The following KIF5C variants were observed in gnomAD, a reference collection of about 807,000 sequenced individuals.
The protein encoded by KIF5C is kinesin family member 5C.
In KIF5C, 18 loss-of-function variants were observed where a neutral mutation model predicts 125.2. The ratio of observed to expected loss-of-function variants is 0.14; its 90% CI spans 0.10 to 0.21. KIF5C has a LOEUF of 0.21. KIF5C is among the 10% of genes least tolerant of loss of function. KIF5C has a pLI of 1.00. For missense variants in KIF5C, 780 were observed against 1,183.8 expected (o/e 0.66, Z 5.01); for synonymous variants, 405 against 434.0 (o/e 0.93, Z 0.83).
At chr2:148,932,029 T>C (rs1682195828) in intron 3 of KIF5C, among the ~76,000 whole-genome samples, 1 of 152,000 alleles carries the variant, frequency 6.6e-6, no homozygotes. Context: ...AGGGTAATTA[T>C]AGATTGGAGA....
Position 149,015,617 on chromosome 2 carries a change from A to G in KIF5C, c.*7+3934A>G, listed in dbSNP as rs948329886. ...TTTCAGAGCCTATGAAGATGCCAAT[A>G]TACAAAAATCAAAAGAACCCAGGAT... On this transcript the variant is annotated intron_variant, in intron 25 of 25. Coordinates refer to ENST00000435030, the MANE Select transcript of KIF5C (RefSeq NM_004522.3). Among the ~76,000 whole-genome samples, 6 of 152,346 alleles carry G rather than the reference A, an allele frequency of 3.9e-5. No individual in the cohort carries two copies. In the South Asian group the frequency reaches 6.2e-4, roughly 16 times the overall value.
At chr2:148,937,207 C>T (rs555993924) in intron 3 of KIF5C, 77 bp from the exon 4 acceptor site, 19 of 1,523,628 alleles carry the variant, frequency 1.2e-5, no homozygotes, top group Middle Eastern at 2.1e-4. Context: ...TCTGAGGAAC[C>T]CAGAGATGGT....
chr2:148,893,959 A>T (rs1478328447), intron 1 of KIF5C, among the ~76,000 whole-genome samples: 1 of 152,172 alleles, frequency 6.6e-6, no homozygotes, highest in Non-Finnish European at 1.5e-5. Flanking sequence ...CTTACCTTCA[A>T]GCAACTCACT....
intron 12 of KIF5C, among the ~76,000 whole-genome samples, chr2:148,978,702 A>G (rs1183153254): frequency 6.6e-6 from 1 of 152,184 alleles, no homozygotes. Flanking sequence ...GCAGGATATT[A>G]TATTTCCAGA....
At position 149,000,759 on chromosome 2, in the gene KIF5C, C is replaced by T; in HGVS notation, c.2350C>T (p.Leu784Phe). ...TAAAAGGGAACAAGCCAGAGAAGAC[C>T]TCAAAGGGCTGGAGGAGACAGTGGT... The part of the protein sequence containing the change: ...NDKREQARED[L>F]KGLEETVSRE... The change falls in exon 21 of 26, where the codon CTC (leucine) becomes TTC (phenylalanine). Residue 784 changes from leucine (L) to phenylalanine (F), a missense_variant. By Grantham distance (22) the Leu-to-Phe change is conservative. Around this residue, in one of 2 missense-constraint regions of KIF5C, gnomAD observed 573 missense variants for 742.6 expected, o/e 0.77. Coordinates refer to ENST00000435030, the MANE Select transcript of KIF5C (RefSeq NM_004522.3). 1.9e-6 allele frequency: 3 copies of T among 1,613,942 alleles called. No homozygotes were observed. Among genetic ancestry groups the T allele is most frequent in the Non-Finnish European group, 2.5e-6 (3 of 1,179,870 alleles).
intron 15 of KIF5C, among the ~76,000 whole-genome samples, chr2:148,984,117 G>A (rs139784992): frequency 4.8e-4 from 73 of 152,326 alleles, no homozygotes; most frequent in African/African-American, 1.7e-3. Context: ...TCTCAGAATT[G>A]TGTTTTTCCT....
intron 25 of KIF5C, among the ~76,000 whole-genome samples, chr2:149,013,984 A>G (rs532990584): frequency 2.6e-5 from 4 of 152,110 alleles, no homozygotes; most frequent in African/African-American, 7.2e-5. Flanking sequence ...GGTTTGTCAC[A>G]TAAGTATACA....
intron 3 of KIF5C, among the ~76,000 whole-genome samples, chr2:148,936,678 G>A (rs1363418901): frequency 6.6e-6 from 1 of 152,222 alleles, no homozygotes; most frequent in Admixed American, 6.5e-5. Context: ...CTTAAACATG[G>A]ATTTAGGTAT....
intron 1 of KIF5C, among the ~76,000 whole-genome samples, chr2:148,919,504 C>G (rs1005047585): frequency 2.6e-5 from 4 of 152,160 alleles, no homozygotes; most frequent in Non-Finnish European, 5.9e-5. Flanking sequence ...CTGGAGAAAC[C>G]TTTAGCCATG....
intron 25 of KIF5C, among the ~76,000 whole-genome samples, chr2:149,022,290 T>C (rs372714691): frequency 1.3e-5 from 2 of 152,148 alleles, no homozygotes. Flanking sequence ...TACCGACTTA[T>C]GGAAGAGAAT....
intron 8 of KIF5C, among the ~76,000 whole-genome samples, chr2:148,948,426 A>G (rs1682577498): frequency 6.6e-6 from 1 of 152,182 alleles, no homozygotes; most frequent in Non-Finnish European, 1.5e-5. Flanking sequence ...ACAGATGGAA[A>G]TAATGGAGGA....
chr2:148,942,887 C>A, intron 7 of KIF5C, 127 bp downstream of exon 7: 1 of 1,477,516 alleles, frequency 6.8e-7, no homozygotes, highest in Non-Finnish European at 9.2e-7. Flanking sequence ...GAGCAGTGCT[C>A]GGACACAGAC....
intron 2 of KIF5C, among the ~76,000 whole-genome samples, chr2:148,927,274 C>T (rs572342455): frequency 6.6e-6 from 1 of 152,286 alleles, no homozygotes; most frequent in African/African-American, 2.4e-5. Context: ...GGAAGTTGAG[C>T]TCTGAGCTGT....
chr2:148,922,789 C>T (rs1681840780), intron 2 of KIF5C, among the ~76,000 whole-genome samples: 1 of 152,198 alleles, frequency 6.6e-6, no homozygotes, highest in African/African-American at 2.4e-5. Flanking sequence ...TCTCCTAACC[C>T]ATTTTCAACC....
intron 10 of KIF5C, among the ~76,000 whole-genome samples, chr2:148,956,071 C>G (rs1682784385): frequency 1.3e-5 from 2 of 152,186 alleles, no homozygotes; most frequent in African/African-American, 4.8e-5. Flanking sequence ...ACTGGGAAAG[C>G]AGGTGGGGAT....
chr2:148,880,313 G>T (rs886722919), intron 1 of KIF5C, among the ~76,000 whole-genome samples: 1 of 152,160 alleles, frequency 6.6e-6, no homozygotes, highest in African/African-American at 2.4e-5. Flanking sequence ...TAGAGATGGG[G>T]TTTCACCATG....
chr2:148,985,562 T>G (rs1357539311), intron 15 of KIF5C, among the ~76,000 whole-genome samples: 2 of 152,190 alleles, frequency 1.3e-5, no homozygotes, highest in Admixed American at 6.5e-5. Flanking sequence ...AAAGGAGTCA[T>G]TGATGAATAT....
chr2:148,884,414 C>G (rs1475411119), intron 1 of KIF5C: 1 of 152,092 alleles, frequency 6.6e-6, no homozygotes, highest in South Asian at 2.1e-4. Flanking sequence ...GACAGGACTG[C>G]TTTTTCTCTC....
At chr2:148,967,333 T>C (rs1359973549) in intron 11 of KIF5C, among the ~76,000 whole-genome samples, 1 of 152,156 alleles carries the variant, frequency 6.6e-6, no homozygotes, top group Non-Finnish European at 1.5e-5. Flanking sequence ...GGCAACAGGC[T>C]CCGACAAGTG....
Sources: allele counts gnomAD v4.1 joint callset (sites outside exome capture counted in the v4.1 genomes callset), GRCh38; gene constraint gnomAD v4.1.1; regional missense constraint gnomAD v4.1.1; transcripts MANE v1.5; gene names NCBI Gene and HGNC (gene_info 2026-07-23, HGNC 2026-07-21).